ZFHX3: variants seen among roughly 807,000 people sequenced by gnomAD.
The protein encoded by ZFHX3 is zinc finger homeobox protein 3.
ZFHX3 carries 42 observed loss-of-function variants against 279.1 expected under a neutral mutation model. The ratio of observed to expected loss-of-function variants is 0.15; its 90% CI spans 0.12 to 0.19. The LOEUF is 0.19. Ranked by LOEUF, ZFHX3 falls within the 10% of genes least tolerant of loss-of-function variation. The pLI is 1.00. For synonymous variants in ZFHX3, 2,293 were observed against 1,957.8 expected (o/e 1.17, Z -4.52); for missense variants, 4,981 against 4,754.0 (o/e 1.05, Z -1.40).
chr16:73,729,557 A>C (rs79565969), intron 1 of ZFHX3, among the ~76,000 whole-genome samples: 57 of 69,638 alleles, frequency 8.2e-4, no homozygotes, highest in East Asian at 5.3e-3. Context: ...AACAAACCAA[A>C]AAAAAAAAAA....
chr16:73,362,927 G>A lies in ZFHX3; in HGVS notation c.-1290-44591C>T, dbSNP rs553871009. Among the ~76,000 whole-genome samples the A allele has an allele frequency of 3.3e-5, 5 of 152,324 alleles. No homozygotes were observed. In the East Asian group the frequency reaches 9.6e-4, roughly 29 times the overall value. On this transcript the variant is annotated intron_variant, in intron 3 of 17. Coordinates refer to the ZFHX3 transcript ENST00000641206. ...TAAGAATTGCTAAAGTAACCTATAG[G>A]ACCTAAAACATTTTTGGTAAAGGTG...
At chr16:73,837,329 A>G (rs1169084345) in intron 1 of ZFHX3, among the ~76,000 whole-genome samples, 1 of 152,194 alleles carries the variant, frequency 6.6e-6, no homozygotes, top group Admixed American at 6.5e-5. Context: ...TTTCAAAACT[A>G]TATAGTTTCA....
chr16:73,066,912 G>A (rs1208576143), intron 8 of ZFHX3, among the ~76,000 whole-genome samples: 1 of 152,068 alleles, frequency 6.6e-6, no homozygotes, highest in Non-Finnish European at 1.5e-5. Context: ...GCACTGAGAT[G>A]GGGACCCTGA....
intron 2 of ZFHX3, among the ~76,000 whole-genome samples, chr16:73,473,371 A>AAAAAC (rs2018709703): frequency 1.3e-5 from 2 of 150,608 alleles, no homozygotes; most frequent in African/African-American, 5.0e-5. Context: ...AAAAAAAAAA[A>AAAAAC]ACAAAATAAT....
chr16:73,206,313 T>C (rs927939065), intron 5 of ZFHX3, among the ~76,000 whole-genome samples: 2 of 152,190 alleles, frequency 1.3e-5, no homozygotes, highest in Non-Finnish European at 2.9e-5. Context: ...GATCTTGCTG[T>C]GCCCCCAGGT....
At chr16:73,848,166 G>T (rs1055561830) in intron 1 of ZFHX3, among the ~76,000 whole-genome samples, 1 of 151,928 alleles carries the variant, frequency 6.6e-6, no homozygotes, top group South Asian at 2.1e-4. Context: ...ATTTCAGTGG[G>T]GGCAACATTT....
chr16:73,071,470 T>C (rs1014313118), intron 8 of ZFHX3, among the ~76,000 whole-genome samples: 3 of 150,866 alleles, frequency 2.0e-5, no homozygotes, highest in Middle Eastern at 3.4e-3. Context: ...CTGCTGCTGC[T>C]GCTGCTGCCG....
Position 73,251,813 on chromosome 16 carries a change from GCA to G in ZFHX3, c.-1104+5232_-1104+5233del, listed in dbSNP as rs1393567851. On this transcript the variant is annotated intron_variant, in intron 5 of 17. Coordinates refer to the ZFHX3 transcript ENST00000641206. ...CACCATGCACACACGCACACACCATGCACACACACCACACACACACCATGCAC... is the reference window on the plus strand; with the variant it reads ...CACCATGCACACACGCACACACCATGCACACACCACACACACACCATGCAC... Among the ~76,000 whole-genome samples, 9 of 104,348 alleles carry G rather than the reference GCA, an allele frequency of 8.6e-5. 1 individual carries two copies. The highest frequency in any genetic ancestry group is 3.7e-4 in the African/African-American group (9 of 24,272). 68.5% of individuals were successfully genotyped at this position (104,348 alleles called of 152,430 possible). A position where few individuals can be genotyped will look rare whatever the true frequency, so the allele number is the denominator to read the frequency against.
At chr16:73,486,380 G>T (rs114800074) in intron 2 of ZFHX3, among the ~76,000 whole-genome samples, 88 of 152,360 alleles carry the variant, frequency 5.8e-4, no homozygotes, top group African/African-American at 2.1e-3. Context: ...CCACCCTGTG[G>T]AGTGTACTTT....
At chr16:72,916,494 T>C (rs186253713) in intron 3 of ZFHX3, among the ~76,000 whole-genome samples, 6 of 152,346 alleles carry the variant, frequency 3.9e-5, no homozygotes, top group Admixed American at 3.3e-4. Context: ...ACAGAAGTCA[T>C]GCCTATCACC....
At chr16:73,211,278 A>G (rs771311179) in intron 5 of ZFHX3, among the ~76,000 whole-genome samples, 11 of 152,210 alleles carry the variant, frequency 7.2e-5, no homozygotes, top group Non-Finnish European at 1.6e-4. Context: ...AAGCTTGAGC[A>G]AAGTGTGGAA....
intron 1 of ZFHX3, among the ~76,000 whole-genome samples, chr16:73,701,629 A>G (rs1426997951): frequency 6.6e-6 from 1 of 152,154 alleles, no homozygotes; most frequent in Non-Finnish European, 1.5e-5. Flanking sequence ...TTTCATTGAG[A>G]AAACGATAAA....
chr16:73,257,378 A>T (rs2013689464), intron 4 of ZFHX3, among the ~76,000 whole-genome samples: 1 of 152,190 alleles, frequency 6.6e-6, no homozygotes, highest in Non-Finnish European at 1.5e-5. Context: ...GACAAGGGCC[A>T]TTGGAAGATT....
chr16:73,161,483 A>C (rs924652131), intron 5 of ZFHX3, among the ~76,000 whole-genome samples: 1 of 152,316 alleles, frequency 6.6e-6, no homozygotes, highest in Middle Eastern at 3.4e-3. Flanking sequence ...AAGGGATTAT[A>C]TGTCTTTGTG....
chr16:73,662,714 A>G (rs192162145), intron 2 of ZFHX3, among the ~76,000 whole-genome samples: 1 of 152,200 alleles, frequency 6.6e-6, no homozygotes. Context: ...GAAAGCGAAC[A>G]ATTTCATTTC....
intron 3 of ZFHX3, among the ~76,000 whole-genome samples, chr16:73,346,512 T>C (rs1167203967): frequency 2.6e-5 from 4 of 152,200 alleles, no homozygotes; most frequent in South Asian, 2.1e-4. Flanking sequence ...TGCTTTGTCA[T>C]CCAGGCTGGA....
intron 3 of ZFHX3, among the ~76,000 whole-genome samples, chr16:73,356,054 T>C (rs1158286766): frequency 6.6e-6 from 1 of 152,146 alleles, no homozygotes; most frequent in Admixed American, 6.5e-5. Flanking sequence ...GAGACCTAAG[T>C]TTCCGAAATA....
At position 73,751,153 on chromosome 16, in the gene ZFHX3, A is replaced by T. The variant is rs548968553; in HGVS notation, c.-1607-70913T>A. On this transcript the variant is annotated intron_variant, in intron 1 of 17. Coordinates refer to the ZFHX3 transcript ENST00000641206. ...CAAAACTATTTTTCAAAAGATACGG[A>T]CTGAGGACCTCTGGGAAGAACCCAG... Among the ~76,000 whole-genome samples the T allele has an allele frequency of 3.3e-5, 5 of 152,330 alleles. No homozygotes were observed. The East Asian group carries it at 9.6e-4, about 29-fold the overall frequency.
At chr16:73,387,832 C>G (rs931390098) in intron 3 of ZFHX3, among the ~76,000 whole-genome samples, 2 of 151,846 alleles carry the variant, frequency 1.3e-5, no homozygotes, top group Non-Finnish European at 2.9e-5. Flanking sequence ...GTTGGAACAC[C>G]CAGGAAACTT....
Sources: allele counts gnomAD v4.1 joint callset (sites outside exome capture counted in the v4.1 genomes callset), GRCh38; gene constraint gnomAD v4.1.1; transcripts MANE v1.5; gene names NCBI Gene and HGNC (gene_info 2026-07-23, HGNC 2026-07-21).